Variants in MAPK4 observed in about 807,000 individuals in gnomAD.
MAPK4 encodes the protein mitogen-activated protein kinase 4, also known as Erk3-related.
MAPK4 carries 22 observed loss-of-function variants against 47.7 expected under a neutral mutation model. The ratio of observed to expected loss-of-function variants is 0.46; its 90% CI spans 0.33 to 0.66. MAPK4 has a LOEUF of 0.66. MAPK4 is among the 30% of genes least tolerant of loss of function. MAPK4 has a pLI of 0.02. For synonymous variants in MAPK4, 390 were observed against 365.7 expected, an observed-to-expected ratio of 1.07 and a Z score of -0.76; for missense variants, 736 against 831.7, an observed-to-expected ratio of 0.88 and a Z score of 1.42.
intron 1 of MAPK4, among the ~76,000 whole-genome samples, chr18:50,656,502 T>G (rs2043111124): frequency 6.6e-6 from 1 of 152,190 alleles, no homozygotes; most frequent in South Asian, 2.1e-4. Flanking sequence ...TACAGGCTCT[T>G]TATAACATGA....
intron 1 of MAPK4, among the ~76,000 whole-genome samples, chr18:50,587,101 A>G (rs551499435): frequency 6.6e-6 from 1 of 152,346 alleles, no homozygotes; most frequent in African/African-American, 2.4e-5. Context: ...TATCTCTATC[A>G]TATAAATGAG....
At chr18:50,644,288 G>C (rs74379476) in intron 1 of MAPK4, among the ~76,000 whole-genome samples, 4,693 of 152,030 alleles carry the variant, frequency 0.031, 240 homozygotes, top group African/African-American at 0.11. Context: ...AAGAGCAGCT[G>C]ACAGGAAGAC....
intron 5 of MAPK4, among the ~76,000 whole-genome samples, chr18:50,726,836 G>T (rs1483848744): frequency 2.0e-5 from 3 of 148,698 alleles, no homozygotes; most frequent in Non-Finnish European, 4.4e-5. Context: ...GAAGTTTGAG[G>T]TTGCAGAGTG....
intron 5 of MAPK4, 108 bp from the exon 6 acceptor site, chr18:50,729,050 G>A: frequency 2.1e-6 from 2 of 932,212 alleles, no homozygotes; most frequent in Non-Finnish European, 3.3e-6. Flanking sequence ...GAGGGATGGG[G>A]GTCGAAGGCA....
intron 1 of MAPK4, among the ~76,000 whole-genome samples, chr18:50,644,048 T>G (rs1301856998): frequency 2.0e-5 from 3 of 152,126 alleles, no homozygotes; most frequent in Admixed American, 6.5e-5. Flanking sequence ...CACATCTTAG[T>G]AGAAATCTGA....
At chr18:50,562,475 G>A (rs532828771) in intron 1 of MAPK4, among the ~76,000 whole-genome samples, 3 of 151,596 alleles carry the variant, frequency 2.0e-5, no homozygotes, top group Non-Finnish European at 4.4e-5. Context: ...TAGGGGAAGG[G>A]AGAGGGAAGC....
chr18:50,637,834 A>G (rs1020583573), intron 1 of MAPK4, among the ~76,000 whole-genome samples: 8 of 152,198 alleles, frequency 5.3e-5, no homozygotes, highest in Non-Finnish European at 1.0e-4. Flanking sequence ...TGTGTGGCCT[A>G]CGTCCTAACC....
chr18:50,699,053 TA>T (rs1234737810), intron 2 of MAPK4, among the ~76,000 whole-genome samples: 1 of 151,920 alleles, frequency 6.6e-6, no homozygotes, highest in Admixed American at 6.6e-5. Context: ...GAGTAATATA[TA>T]AAATATATCC....
At chr18:50,677,554 GT>G (rs140981187) in intron 2 of MAPK4, among the ~76,000 whole-genome samples, 21 of 150,118 alleles carry the variant, frequency 1.4e-4, no homozygotes, top group African/African-American at 3.4e-4. Context: ...TGTGTGTAAG[GT>G]TTTTTTTTGT....
At chr18:50,594,876 T>C (rs899705928) in intron 1 of MAPK4, among the ~76,000 whole-genome samples, 5 of 152,096 alleles carry the variant, frequency 3.3e-5, no homozygotes, top group African/African-American at 1.2e-4. Context: ...TACTAATCAA[T>C]AATAAAAGAT....
chr18:50,613,737 C>A (rs1444575319), intron 1 of MAPK4, among the ~76,000 whole-genome samples: 1 of 152,174 alleles, frequency 6.6e-6, no homozygotes, highest in East Asian at 1.9e-4. Flanking sequence ...CATACATAGG[C>A]TGTAGAATAA....
intron 2 of MAPK4, among the ~76,000 whole-genome samples, chr18:50,665,033 C>T (rs1907519072): frequency 6.6e-6 from 1 of 152,214 alleles, no homozygotes; most frequent in Non-Finnish European, 1.5e-5. Context: ...TAATCCTTCA[C>T]TGTACCTTAT....
At chr18:50,643,933 C>T (rs2042964579) in intron 1 of MAPK4, among the ~76,000 whole-genome samples, 1 of 152,002 alleles carries the variant, frequency 6.6e-6, no homozygotes. Flanking sequence ...CTGACTGTTC[C>T]CGTCCTGTTC....
intron 2 of MAPK4, among the ~76,000 whole-genome samples, chr18:50,680,215 C>A (rs1392959155): frequency 6.8e-6 from 1 of 146,562 alleles, no homozygotes; most frequent in African/African-American, 2.5e-5. Flanking sequence ...CCTCAGCCTT[C>A]CAAGTAGCTG....
At position 50,664,190 on chromosome 18, in the gene MAPK4, G is replaced by A. The variant is rs764672737; in HGVS notation, c.232G>A (p.Val78Ile). 33 of 1,613,962 alleles carry A rather than the reference G, an allele frequency of 2.0e-5. No homozygotes were observed. The highest frequency in any genetic ancestry group is 3.3e-5 in the South Asian group (3 of 91,068). ...IIRRLDHDNI[V>I]KVYEVLGPKG... ...TCGGCGCCTGGACCACGACAACATC[G>A]TCAAAGTGTACGAGGTGCTCGGTCC... Residue 78 changes from valine (V) to isoleucine (I), a missense_variant, in exon 2 of 6, where the codon GTC (valine) becomes ATC (isoleucine). Val to Ile is a conservative substitution (Grantham distance 29). Coordinates refer to ENST00000400384, the MANE Select transcript of MAPK4 (RefSeq NM_002747.4). The surrounding 1 kb of genome is among the most constrained non-coding windows in gnomAD (Gnocchi z 6.0).
chr18:50,673,842 C>A (rs1269432163), intron 2 of MAPK4, among the ~76,000 whole-genome samples: 1 of 152,092 alleles, frequency 6.6e-6, no homozygotes, highest in African/African-American at 2.4e-5. Flanking sequence ...GGCGACGCAG[C>A]AAGACTCCGT....
rs113604080 is a variant in MAPK4, at chr18:50,601,112, A to G, written c.-871+40869A>G. Among the ~76,000 whole-genome samples, 261 of 147,834 alleles carry G rather than the reference A, an allele frequency of 1.8e-3. 1 individual carries two copies. The highest frequency in any genetic ancestry group is 4.9e-3 in the African/African-American group (201 of 40,670). On this transcript the variant is annotated intron_variant, in intron 1 of 5. Transcript: ENST00000400384. ...CCTATCTCTGTAAAAAAAAAAAAAA[A>G]AAGAAGAAGAAGAAGAAGACAGAGA...
At chr18:50,583,010 T>C (rs968626709) in intron 1 of MAPK4, among the ~76,000 whole-genome samples, 1 of 152,212 alleles carries the variant, frequency 6.6e-6, no homozygotes, top group African/African-American at 2.4e-5. Flanking sequence ...ATGTCACAGC[T>C]CTTTTCGTTC....
chr18:50,702,317 C>T (rs1246431884), intron 2 of MAPK4, among the ~76,000 whole-genome samples: 1 of 151,686 alleles, frequency 6.6e-6, no homozygotes, highest in Admixed American at 6.6e-5. Flanking sequence ...TACTCAGGAG[C>T]CTGAGGTCGG....
Sources: gnomAD v4.1 joint callset for allele counts (sites outside exome capture counted in the v4.1 genomes callset) on GRCh38, gnomAD v4.1.1 for gene constraint, Gnocchi (gnomAD v3.1) non-coding constraint, MANE v1.5 for transcripts, NCBI Gene and HGNC (gene_info 2026-07-23, HGNC 2026-07-21) for gene names.